The following INTS10 variants were observed in gnomAD, a reference collection of about 807,000 sequenced individuals.
The protein encoded by INTS10 is integrator complex subunit 10.
A neutral mutation model predicts 94.4 loss-of-function variants in INTS10; 44 were observed. That is an observed-to-expected ratio of 0.47 (90% CI 0.37 to 0.60). The LOEUF (loss-of-function observed/expected upper bound fraction) is 0.60. Ranked by LOEUF, INTS10 falls within the 20% of genes least tolerant of loss-of-function variation. INTS10 has a pLI of 0.00. For synonymous variants in INTS10, 341 were observed against 320.7 expected (o/e 1.06, Z -0.68); for missense variants, 797 against 868.7 (o/e 0.92, Z 1.04).
intron 12 of INTS10, among the ~76,000 whole-genome samples, chr8:19,836,225 G>A (rs1469394506): frequency 6.1e-5 from 9 of 147,528 alleles, no homozygotes; most frequent in Admixed American, 6.7e-5. Flanking sequence ...CATAAAAGAA[G>A]AAAAAAAAAA....
At chr8:19,830,749 T>C (rs994287804) in intron 10 of INTS10, among the ~76,000 whole-genome samples, 190 bp downstream of exon 10, 3 of 152,198 alleles carry the variant, frequency 2.0e-5, no homozygotes, top group Non-Finnish European at 2.9e-5. Context: ...CTTGGCTCAC[T>C]GCAACGCTCA....
At position 19,823,723 on chromosome 8, in the gene INTS10, T is replaced by C. The variant is rs958491710; in HGVS notation, c.665-150T>C. 4.1e-5 allele frequency: 27 copies of C among 656,014 alleles called. No individual in the cohort carries two copies. The Admixed American group carries it at 8.2e-4, about 20-fold the overall frequency. 40.6% of individuals were successfully genotyped at this position (656,014 alleles called of 1,614,324 possible). A position where few individuals can be genotyped will look rare whatever the true frequency, so the allele number is the denominator to read the frequency against. ...GGAAATTACTTCTTGCTTATACCAG[T>C]GGCCTCTTGTCGGTCCTTGAGCAAA... On this transcript the variant is annotated intron_variant, in intron 6 of 16. Coordinates refer to ENST00000397977, the MANE Select transcript of INTS10 (RefSeq NM_018142.4).
rs576568134 is a variant in INTS10, at chr8:19,839,889, C to A, written c.1639+2729C>A. Among the ~76,000 whole-genome samples the A allele has an allele frequency of 5.9e-5, 9 of 151,698 alleles. No homozygotes were observed. In the South Asian group the frequency reaches 1.7e-3, roughly 28 times the overall value. On this transcript the variant is annotated intron_variant, in intron 13 of 16. Transcript: ENST00000397977. ...ACAAGCCTGGCCAACATGGTGAAAC[C>A]CCATCTCTACTAACAGTACAAAAAT...
rs1443173922 is a variant in INTS10 at position 19,833,270 on chromosome 8, G to C, written c.1479G>C (p.Gln493His). ...QITGQGTLEH[Q>H]RALIQLATCH... ...CAGGGCAGGGGACCCTGGAGCATCA[G>C]AGGGCGCTCATCCAGCTGGCGACGT... Residue 493 changes from glutamine to histidine, a missense_variant, in exon 12 of 17, where the codon CAG becomes CAC. By Grantham distance (24) the Gln-to-His change is conservative. This residue lies in a region of INTS10 where 734 missense variants were observed against 787.8 expected (regional missense o/e 0.93). Transcript: ENST00000397977. 2.5e-6 allele frequency: 4 copies of C among 1,613,304 alleles called. No individual in the cohort carries two copies. Among genetic ancestry groups the C allele is most frequent in the East Asian group, 4.5e-5 (2 of 44,770 alleles).
intron 13 of INTS10, among the ~76,000 whole-genome samples, chr8:19,841,428 G>A (rs184700853): frequency 6.6e-6 from 1 of 152,222 alleles, no homozygotes; most frequent in Admixed American, 6.5e-5. Context: ...CAAAAACTTA[G>A]TATCTAGAGT....
intron 5 of INTS10, among the ~76,000 whole-genome samples, chr8:19,822,794 AC>A (rs1310451353): frequency 1.3e-5 from 2 of 152,164 alleles, no homozygotes; most frequent in African/African-American, 4.8e-5. Flanking sequence ...TACTAAAAAT[AC>A]AAAAATTAGC....
intron 8 of INTS10, among the ~76,000 whole-genome samples, chr8:19,825,715 T>C (rs894474184): frequency 6.6e-6 from 1 of 152,174 alleles, no homozygotes; most frequent in African/African-American, 2.4e-5. Context: ...TCCAGTATAA[T>C]ACAGCGGTCG....
intron 16 of INTS10, among the ~76,000 whole-genome samples, chr8:19,847,621 A>G (rs963989137): frequency 6.6e-6 from 1 of 152,236 alleles, no homozygotes; most frequent in Non-Finnish European, 1.5e-5. Context: ...CTTTACCTAG[A>G]TAATGCCTAA....
At chr8:19,836,225 GAA>G (rs35537213) in intron 12 of INTS10, among the ~76,000 whole-genome samples, 2 of 147,544 alleles carry the variant, frequency 1.4e-5, no homozygotes, top group African/African-American at 2.5e-5. Context: ...CATAAAAGAA[GAA>G]AAAAAAAAAG....
At position 19,817,456 on chromosome 8, in the gene INTS10, G is replaced by T. The variant is rs954249198; in HGVS notation, c.-82G>T. Reference sequence around the variant, plus strand: ...CCTCCCCCGCGGTGGCGGCGGCGGCGGCGGTGGCTGCCGTGGCGGCTGAGA... The same window carrying T: ...CCTCCCCCGCGGTGGCGGCGGCGGCTGCGGTGGCTGCCGTGGCGGCTGAGA... On this transcript the variant is annotated 5_prime_UTR_variant, in exon 1 of 17. Coordinates refer to ENST00000397977, the MANE Select transcript of INTS10 (RefSeq NM_018142.4). 5 of 1,530,150 alleles carry T rather than the reference G, an allele frequency of 3.3e-6. No homozygotes were observed. In the African/African-American group the frequency reaches 4.1e-5, roughly 13 times the overall value. 94.8% of individuals were successfully genotyped at this position (1,530,150 alleles called of 1,614,324 possible).
intron 5 of INTS10, 105 bp from the exon 6 acceptor site, chr8:19,823,196 A>G (rs1432158054): frequency 2.4e-6 from 2 of 823,286 alleles, no homozygotes; most frequent in East Asian, 5.0e-5. Flanking sequence ...TTCCCCCTAT[A>G]TATTTTAGAT....
At chr8:19,833,102 G>A (rs1417512511) in intron 11 of INTS10, 67 bp from the exon 12 acceptor site, 7 of 1,378,878 alleles carry the variant, frequency 5.1e-6, no homozygotes, top group East Asian at 5.2e-5. Flanking sequence ...ACCCTGGAAC[G>A]GTATTTTTTA....
chr8:19,833,195 C>T lies in INTS10; in HGVS notation c.1404C>T (p.Ser468=). 1 of 1,608,904 alleles carries T rather than the reference C, an allele frequency of 6.2e-7. No homozygotes were observed. ...YQGQYKKAIA[S]LHHLAALQGS... is the part of the protein sequence containing the mutation. Reference sequence around the variant, plus strand: ...GTCAATATAAAAAGGCGATAGCCAGCCTGCATCACTTAGCAGCTCTCCAGG... The same window carrying T: ...GTCAATATAAAAAGGCGATAGCCAGTCTGCATCACTTAGCAGCTCTCCAGG... Residue 468 remains serine, a synonymous_variant, in exon 12 of 17, where the codon AGC becomes AGT. Coordinates refer to ENST00000397977, the MANE Select transcript of INTS10 (RefSeq NM_018142.4).
At chr8:19,837,019 AAGTT>A in intron 12 of INTS10, 29 bp from the exon 13 acceptor site, 1 of 1,368,542 alleles carries the variant, frequency 7.3e-7, no homozygotes, top group Non-Finnish European at 1.0e-6. Context: ...AGAAAGCTTC[AAGTT>A]AGTTCCTTTT....
Position 19,817,443 on chromosome 8 carries a change from T to TGGCGGC in INTS10, c.-83_-78dup, listed in dbSNP as rs71205947. On this transcript the variant is annotated 5_prime_UTR_variant, in exon 1 of 17. Coordinates refer to ENST00000397977, the MANE Select transcript of INTS10 (RefSeq NM_018142.4). ...ACATGCGCAGTAGCCTCCCCCGCGG[T>TGGCGGC]GGCGGCGGCGGCGGCGGTGGCTGCC... The TGGCGGC allele has an allele frequency of 0.11, 166,518 of 1,481,620 alleles. 9,675 individuals are homozygous for TGGCGGC. The highest frequency in any genetic ancestry group is 0.13 in the Non-Finnish European group (141,109 of 1,106,712). The allele number at this position is 1,481,620 out of a possible 1,614,324, so 91.8% of individuals were successfully genotyped here.
intron 9 of INTS10, 50 bp downstream of exon 9, chr8:19,826,609 A>G: frequency 6.5e-7 from 1 of 1,546,294 alleles, no homozygotes; most frequent in Non-Finnish European, 8.8e-7. Flanking sequence ...ACGCTTTGCT[A>G]GAGATGAATC....
intron 13 of INTS10, among the ~76,000 whole-genome samples, chr8:19,838,791 GC>G (rs1419336055): frequency 1.3e-5 from 2 of 152,156 alleles, no homozygotes; most frequent in African/African-American, 4.8e-5. Flanking sequence ...AAAATCAGTG[GC>G]CAGGCATGGT....
At chr8:19,848,557 A>C (rs543768052) in intron 16 of INTS10, among the ~76,000 whole-genome samples, 2 of 152,206 alleles carry the variant, frequency 1.3e-5, no homozygotes, top group African/African-American at 4.8e-5. Context: ...CTAATACACT[A>C]AATCTTTGTT....
intron 13 of INTS10, among the ~76,000 whole-genome samples, chr8:19,839,999 G>C (rs2067995666): frequency 6.9e-6 from 1 of 144,696 alleles, no homozygotes; most frequent in Admixed American, 7.2e-5. Flanking sequence ...GGAGGTGGAG[G>C]TTTCATTGAG....
Sources: allele counts gnomAD v4.1 joint callset (sites outside exome capture counted in the v4.1 genomes callset), GRCh38; gene constraint gnomAD v4.1.1; regional missense constraint gnomAD v4.1.1; transcripts MANE v1.5; gene names NCBI Gene and HGNC (gene_info 2026-07-23, HGNC 2026-07-21).